Variants in RBM19 observed in about 807,000 individuals in gnomAD.
RBM19 encodes the protein probable RNA-binding protein 19.
A neutral mutation model predicts 116.8 loss-of-function variants in RBM19; 94 were observed. The observed-to-expected ratio is 0.80, with a 90% CI of 0.68 to 0.95. RBM19 has a LOEUF of 0.95. RBM19 is among the 40% of genes least tolerant of loss of function. The pLI, the probability that RBM19 is intolerant of heterozygous loss-of-function variation, is 0.00. For missense variants in RBM19, 1,161 were observed against 1,220.7 expected (o/e 0.95, Z 0.73); for synonymous variants, 475 against 494.1 (o/e 0.96, Z 0.51).
chr12:113,878,498 G>A (rs1161993406), intron 21 of RBM19, among the ~76,000 whole-genome samples: 1 of 152,160 alleles, frequency 6.6e-6, no homozygotes, highest in African/African-American at 2.4e-5. Flanking sequence ...AGCTGAACCT[G>A]GCATCGGCCA....
chr12:113,927,384 A>T (rs1262250105), intron 16 of RBM19, 155 bp from the exon 17 acceptor site: 8 of 828,234 alleles, frequency 9.7e-6, no homozygotes, highest in Non-Finnish European at 1.3e-5. Context: ...CGTGATCCCC[A>T]ACTTGTGCTG....
At chr12:113,960,281 G>A (rs1339610752) in intron 2 of RBM19, 103 bp from the exon 3 acceptor site, 1 of 1,501,814 alleles carries the variant, frequency 6.7e-7, no homozygotes, top group Non-Finnish European at 9.1e-7. Context: ...AACTGTCACT[G>A]CCTAGCTGAG....
intron 13 of RBM19, among the ~76,000 whole-genome samples, chr12:113,942,646 G>A (rs897127342): frequency 7.3e-6 from 1 of 136,830 alleles, no homozygotes; most frequent in Non-Finnish European, 1.5e-5. Flanking sequence ...TGTCATATCT[G>A]TCCCCCAGGC....
At chr12:113,940,484 C>CT (rs927739489) in intron 14 of RBM19, among the ~76,000 whole-genome samples, 30 of 152,306 alleles carry the variant, frequency 2.0e-4, no homozygotes, top group African/African-American at 6.7e-4. Flanking sequence ...AGTACCAAGG[C>CT]TTTTTTTCCT....
At chr12:113,839,105 CAG>C (rs746832698) in intron 23 of RBM19, among the ~76,000 whole-genome samples, 3 of 152,220 alleles carry the variant, frequency 2.0e-5, no homozygotes, top group Non-Finnish European at 4.4e-5. Flanking sequence ...GCCTTCCTGG[CAG>C]AGTTCAGGGC....
intron 6 of RBM19, 95 bp downstream of exon 6, chr12:113,957,687 C>G: frequency 6.8e-7 from 1 of 1,465,290 alleles, no homozygotes; most frequent in Non-Finnish European, 9.0e-7. Context: ...GCGTCTTTCC[C>G]CAACATTCCG....
chr12:113,847,545 G>A (rs1236028810), intron 22 of RBM19, among the ~76,000 whole-genome samples: 2 of 152,088 alleles, frequency 1.3e-5, no homozygotes, highest in Non-Finnish European at 2.9e-5. Context: ...GAGAGGAATT[G>A]GTGGGGAGTC....
intron 23 of RBM19, among the ~76,000 whole-genome samples, chr12:113,842,704 G>A (rs919999271): frequency 4.6e-5 from 7 of 152,244 alleles, no homozygotes; most frequent in African/African-American, 1.7e-4. Context: ...GACAGAAGAG[G>A]AGAGTAGAGG....
intron 1 of RBM19, among the ~76,000 whole-genome samples, chr12:113,965,935 T>G (rs766901528): frequency 2.0e-5 from 3 of 151,476 alleles, no homozygotes; most frequent in Non-Finnish European, 2.9e-5. Context: ...AAGGTGGGAG[T>G]TGTCATCTCC....
At chr12:113,874,502 G>C (rs1040717459) in intron 21 of RBM19, among the ~76,000 whole-genome samples, 2 of 152,198 alleles carry the variant, frequency 1.3e-5, no homozygotes. Flanking sequence ...GTGAGACCTC[G>C]AGGGGAGGTC....
Position 113,942,498 on chromosome 12 carries a change from T to C in RBM19, c.1627-64A>G. 6 of 1,347,958 alleles carry C rather than the reference T, an allele frequency of 4.5e-6. No individual in the cohort carries two copies. The South Asian group carries it at 7.6e-5, about 17-fold the overall frequency. The allele number at this position is 1,347,958 out of a possible 1,614,324, so 83.5% of individuals were successfully genotyped here. A position where few individuals can be genotyped will look rare whatever the true frequency, so the allele number is the denominator to read the frequency against. The stretch of plus-strand genomic sequence containing the variant: ...GCCAGGTGACTTGCTGGCCCTCCCA[T>C]CTCCCAACAGCCTGAAGAGGAGGCT... On this transcript the variant is annotated intron_variant, in intron 13 of 23. Coordinates refer to ENST00000261741, the MANE Select transcript of RBM19 (RefSeq NM_016196.4).
In RBM19 at chr12:113,932,997, C is replaced by T. The variant is rs993600782; in HGVS notation, c.2068+4010G>A. On this transcript the variant is annotated intron_variant, in intron 16 of 23. Coordinates refer to ENST00000261741, the MANE Select transcript of RBM19 (RefSeq NM_016196.4). ...TTTACTGCGGCCTCCTCCCCTTTCC[C>T]GGCTCTCGGCGCTGGAGCTGACAGC... 3.3e-5 allele frequency among the ~76,000 whole-genome samples: 5 copies of T among 152,056 alleles called. No homozygotes were observed. In the South Asian group the frequency reaches 6.2e-4, roughly 19 times the overall value.
At chr12:113,958,758 C>A (rs1173728350) in intron 5 of RBM19, among the ~76,000 whole-genome samples, 3 of 152,212 alleles carry the variant, frequency 2.0e-5, no homozygotes, top group African/African-American at 7.2e-5. Flanking sequence ...ACACCACAAA[C>A]CCCTTCTGAG....
chr12:113,837,651 G>A (rs1218281938), intron 23 of RBM19, among the ~76,000 whole-genome samples: 1 of 152,192 alleles, frequency 6.6e-6, no homozygotes, highest in Non-Finnish European at 1.5e-5. Context: ...AAATGCAAGG[G>A]GCAGCCGCTC....
At chr12:113,930,299 C>T (rs1869484998) in intron 16 of RBM19, among the ~76,000 whole-genome samples, 3 of 152,220 alleles carry the variant, frequency 2.0e-5, no homozygotes, top group Non-Finnish European at 2.9e-5. Context: ...AGGGTAATAA[C>T]CCGGGGAGCC....
chr12:113,822,954 C>T lies in RBM19; in HGVS notation c.*270G>A. On this transcript the variant is annotated 3_prime_UTR_variant, in exon 24 of 24. Transcript: ENST00000261741. The stretch of plus-strand genomic sequence containing the variant: ...AGTCTCTCTTCCTAACGTGGCTGCT[C>T]CCTTGGACTCTTCCGTGTCTGCTAC... The T allele has an allele frequency of 2.3e-6, 1 of 441,094 alleles. No homozygotes were observed. The highest frequency in any genetic ancestry group is 4.1e-6 in the Non-Finnish European group (1 of 241,548). 27.3% of individuals were successfully genotyped at this position (441,094 alleles called of 1,614,324 possible). A position where few individuals can be genotyped will look rare whatever the true frequency, so the allele number is the denominator to read the frequency against.
Position 113,945,758 on chromosome 12 carries a change from C to T in RBM19, c.1626+70G>A, listed in dbSNP as rs567531478. On this transcript the variant is annotated intron_variant, in intron 13 of 23. Coordinates refer to ENST00000261741, the MANE Select transcript of RBM19 (RefSeq NM_016196.4). ...AGCCTCACAGCCAACAGCAGTACAA[C>T]GAGCCTCCTGCTCTTTCTCCCCTTC... 3.9e-4 allele frequency: 524 copies of T among 1,328,508 alleles called. 6 individuals are homozygous for T. The South Asian group carries it at 4.8e-3, about 12-fold the overall frequency. The allele number at this position is 1,328,508 out of a possible 1,614,324, so 82.3% of individuals were successfully genotyped here.
chr12:113,860,800 G>T (rs1264590244), intron 21 of RBM19, among the ~76,000 whole-genome samples: 1 of 152,188 alleles, frequency 6.6e-6, no homozygotes, highest in South Asian at 2.1e-4. Context: ...CTAGGGCTCA[G>T]CTCCGCAAGA....
At chr12:113,843,646 G>A (rs541377553) in intron 23 of RBM19, among the ~76,000 whole-genome samples, 2 of 152,328 alleles carry the variant, frequency 1.3e-5, no homozygotes, top group African/African-American at 4.8e-5. Context: ...GGGAGGCGGA[G>A]GTGTGGAGAT....
Sources: gnomAD v4.1 joint callset for allele counts (sites outside exome capture counted in the v4.1 genomes callset) on GRCh38, gnomAD v4.1.1 for gene constraint, MANE v1.5 for transcripts, NCBI Gene and HGNC (gene_info 2026-07-23, HGNC 2026-07-21) for gene names.